The following TOP2A variants were observed in gnomAD, a reference collection of about 807,000 sequenced individuals.
TOP2A encodes DNA topoisomerase 2-alpha.
Under a neutral mutation model 187.2 loss-of-function variants are expected in TOP2A, and 68 were observed. The observed-to-expected ratio is 0.36, with a 90% confidence interval of 0.30 to 0.44. TOP2A has a LOEUF of 0.44. Ranked by LOEUF, TOP2A falls within the 20% of genes least tolerant of loss-of-function variation. TOP2A has a pLI of 1.00. For missense variants in TOP2A, 1,196 were observed against 1,808.7 expected (o/e 0.66, Z 6.14); for synonymous variants, 542 against 593.2 (o/e 0.91, Z 1.25).
Position 40,400,246 on chromosome 17 carries a change from A to G in TOP2A, c.2963T>C (p.Val988Ala). ...TGTGAGACTAGTTTGGAGTTTGAAG[A>G]CTTTGTGTAGTCCAACTCTCTCTGC... is the stretch of plus-strand genomic sequence containing the variant. ...AEAERVGLHK[V>A]FKLQTSLTCN... Residue 988 changes from valine (V) to alanine (A), a missense_variant, in exon 23 of 35, where the codon GTC becomes GCC. By Grantham distance (64) the Val-to-Ala change is moderately conservative. Coordinates refer to ENST00000423485, the MANE Select transcript of TOP2A (RefSeq NM_001067.4). 1 of 1,613,902 alleles carries G rather than the reference A, an allele frequency of 6.2e-7. No homozygotes were observed. Among genetic ancestry groups the G allele is most frequent in the Non-Finnish European group, 8.5e-7 (1 of 1,179,870 alleles).
intron 19 of TOP2A, 56 bp downstream of exon 19, chr17:40,404,096 G>C: frequency 6.3e-7 from 1 of 1,584,184 alleles, no homozygotes. Flanking sequence ...TTTTGAGAAT[G>C]ACTCTGCAGG....
intron 6 of TOP2A, 91 bp downstream of exon 6, chr17:40,413,104 A>G: frequency 7.7e-7 from 1 of 1,292,852 alleles, no homozygotes; most frequent in Non-Finnish European, 1.1e-6. Context: ...TAGCTTATAA[A>G]TTATGTTAAA....
chr17:40,389,095 C>A lies in TOP2A; in HGVS notation c.*424G>T. On this transcript the variant is annotated 3_prime_UTR_variant, in exon 35 of 35. Coordinates refer to ENST00000423485, the MANE Select transcript of TOP2A (RefSeq NM_001067.4). ...AATTATGTATAAAACTAAGATAAAACAGATAATTATGCTCTATCTCATATC... is the reference window on the plus strand; with the variant it reads ...AATTATGTATAAAACTAAGATAAAAAAGATAATTATGCTCTATCTCATATC... 4.5e-6 allele frequency: 1 copy of A among 223,526 alleles called. No homozygotes were observed. Among genetic ancestry groups the A allele is most frequent in the Non-Finnish European group, 9.0e-6 (1 of 111,170 alleles). 13.8% of individuals were successfully genotyped at this position (223,526 alleles called of 1,614,324 possible). A position where few individuals can be genotyped will look rare whatever the true frequency, so the allele number is the denominator to read the frequency against.
intron 27 of TOP2A, among the ~76,000 whole-genome samples, chr17:40,396,789 C>T (rs1012847087): frequency 2.0e-5 from 3 of 152,006 alleles, no homozygotes; most frequent in Non-Finnish European, 2.9e-5. Context: ...GGAAGTGATG[C>T]ACACTTATCC....
At chr17:40,404,339 A>G (rs1567786480) in intron 18 of TOP2A, 38 bp downstream of exon 18, 9 of 1,607,352 alleles carry the variant, frequency 5.6e-6, no homozygotes, top group Non-Finnish European at 5.1e-6. Flanking sequence ...TTTGATTTCC[A>G]TCTTACAATG....
rs766736097 is a variant in TOP2A at position 40,408,517 on chromosome 17, G to A, written c.1317C>T (p.Pro439=). ...AVKHNRIKGI[P]KLDDANDAGG... ...CTGCATCATTGGCATCATCGAGTTT[G>A]GGAATTCCCTTGATTCTATTATGTT... The change falls in exon 11 of 35, where the codon CCC becomes CCT. Residue 439 remains proline (P), a synonymous_variant. Transcript: ENST00000423485. 1.2e-6 allele frequency: 2 copies of A among 1,613,298 alleles called. No homozygotes were observed. The highest frequency in any genetic ancestry group is 3.3e-5 in the Admixed American group (2 of 59,942).
intron 29 of TOP2A, among the ~76,000 whole-genome samples, chr17:40,394,251 T>C (rs2035062583): frequency 1.3e-5 from 2 of 152,104 alleles, no homozygotes; most frequent in East Asian, 1.9e-4. Flanking sequence ...AAATGGCAAA[T>C]GATTGTTAAT....
rs1169473117 is a variant in TOP2A at position 40,389,642 on chromosome 17, G to A, written c.4473C>T (p.Ser1491=). The A allele has an allele frequency of 6.2e-7, 1 of 1,607,994 alleles. No individual in the cohort carries two copies. The highest frequency in any genetic ancestry group is 1.3e-5 in the African/African-American group (1 of 74,708). ...TATGGAAGTCATCACTCTCCCCCTT[G>A]GATTTCTAAAAGAGAAAAGCCCAGG... ...IVSKAVTSKK[S]KGESDDFHMD... Residue 1491 remains serine (S), a synonymous_variant, in exon 35 of 35, where the codon TCC becomes TCT. Transcript: ENST00000423485.
Position 40,400,188 on chromosome 17 carries a change from T to C in TOP2A, c.3000+21A>G, listed in dbSNP as rs566145907. 157 of 1,611,318 alleles carry C rather than the reference T, an allele frequency of 9.7e-5. No individual in the cohort carries two copies. The South Asian group carries it at 1.7e-3, about 17-fold the overall frequency. ...TTTAATATAAATTGAAACGTGTACA[T>C]CTCACAAAACAAATACATACCATAG... On this transcript the variant is annotated intron_variant, in intron 23 of 34. Coordinates refer to ENST00000423485, the MANE Select transcript of TOP2A (RefSeq NM_001067.4).
At chr17:40,409,109 G>A (rs1472484855) in intron 10 of TOP2A, 12 of 322,990 alleles carry the variant, frequency 3.7e-5, no homozygotes, top group African/African-American at 2.5e-4. Flanking sequence ...CAGGAGAATC[G>A]CTTGAACCCA....
intron 3 of TOP2A, 114 bp downstream of exon 3, chr17:40,416,308 G>A (rs1260185113): frequency 1.2e-6 from 1 of 807,148 alleles, no homozygotes; most frequent in South Asian, 1.9e-5. Flanking sequence ...GCTACAGCAG[G>A]TTTGGTAGAA....
chr17:40,400,594 C>T lies in TOP2A; in HGVS notation c.2734G>A (p.Glu912Lys), dbSNP rs779140412. 4 of 1,611,148 alleles carry T rather than the reference C, an allele frequency of 2.5e-6. No individual in the cohort carries two copies. Among genetic ancestry groups the T allele is most frequent in the Non-Finnish European group, 2.5e-6 (3 of 1,178,750 alleles). The change falls in exon 22 of 35, where the codon GAA becomes AAA. Residue 912 changes from glutamate to lysine, a missense_variant. Coordinates refer to ENST00000423485, the MANE Select transcript of TOP2A (RefSeq NM_001067.4). ...LAPNQYVISG[E>K]VAILNSTTIE... ...GTTGTAGAATTAAGAATAGCTACTT[C>T]ACCACTAATCACATATTGATTTGGA...
In TOP2A at chr17:40,395,527, C is replaced by T. The variant is rs2143632909; in HGVS notation, c.3733G>A (p.Glu1245Lys). The change falls in exon 29 of 35, where the codon GAA becomes AAA. Residue 1245 changes from glutamate to lysine, a missense_variant. By Grantham distance (56) the Glu-to-Lys change is moderately conservative. Transcript: ENST00000423485. ...NKKKIKNENT[E>K]GSPQEDGVEL... ...ACACCATCTTCTTGAGGGCTTCCTT[C>T]AGTATTTTCATTCTAAAAGATAGCA... 1 of 1,607,996 alleles carries T rather than the reference C, an allele frequency of 6.2e-7. No individual in the cohort carries two copies. Among genetic ancestry groups the T allele is most frequent in the Middle Eastern group, 1.7e-4 (1 of 6,050 alleles).
Position 40,396,273 on chromosome 17 carries a change from A to T in TOP2A, c.3720+10T>A, listed in dbSNP as rs372218697. The T allele has an allele frequency of 4.1e-6, 6 of 1,468,548 alleles. No homozygotes were observed. The Admixed American group carries it at 1.1e-4, about 28-fold the overall frequency. The allele number at this position is 1,468,548 out of a possible 1,614,324, so 91.0% of individuals were successfully genotyped here. ...GGGATTATAGGTGTGAGCCACCACA[A>T]GAGTATTACCTTAATTTTCTTTTTA... is the stretch of plus-strand genomic sequence containing the variant. On this transcript the variant is annotated intron_variant, in intron 28 of 34. Transcript: ENST00000423485.
intron 16 of TOP2A, among the ~76,000 whole-genome samples, chr17:40,405,866 A>G (rs1411424115): frequency 6.6e-6 from 1 of 151,860 alleles, no homozygotes; most frequent in East Asian, 1.9e-4. Flanking sequence ...TCTCGGGTTC[A>G]AGCGATTCTC....
At position 40,411,623 on chromosome 17, in the gene TOP2A, A is replaced by C. The variant is rs754099452; in HGVS notation, c.963+22T>G. On this transcript the variant is annotated intron_variant, in intron 8 of 34. Coordinates refer to ENST00000423485, the MANE Select transcript of TOP2A (RefSeq NM_001067.4). The surrounding 1 kb of genome is among the most constrained non-coding windows in gnomAD (Gnocchi z 4.4). ...ATATATGTAAAGATAAATCATGATT[A>C]ATAATTTAAGAATAAAATTACCTTG... 1.0e-5 allele frequency: 16 copies of C among 1,597,098 alleles called. No homozygotes were observed. The East Asian group carries it at 3.4e-4, about 34-fold the overall frequency.
At chr17:40,394,881 G>A (rs994040597) in intron 29 of TOP2A, among the ~76,000 whole-genome samples, 1 of 152,172 alleles carries the variant, frequency 6.6e-6, no homozygotes, top group African/African-American at 2.4e-5. Context: ...GCTAGAAAAT[G>A]AAATCTAATA....
At chr17:40,404,933 G>A (rs778486150) in intron 16 of TOP2A, 50 bp from the exon 17 acceptor site, 2 of 1,070,458 alleles carry the variant, frequency 1.9e-6, no homozygotes, top group Non-Finnish European at 2.7e-6. Flanking sequence ...AGGCTAATAG[G>A]TTCCAAAATA....
At chr17:40,392,406 C>G (rs2035036403) in intron 30 of TOP2A, 65 bp from the exon 31 acceptor site, 1 of 1,514,860 alleles carries the variant, frequency 6.6e-7, no homozygotes, top group African/African-American at 1.4e-5. Context: ...CATAGGTTGA[C>G]ATAACATTTC....
Sources: allele counts gnomAD v4.1 joint callset (sites outside exome capture counted in the v4.1 genomes callset), GRCh38; gene constraint gnomAD v4.1.1; non-coding constraint Gnocchi (gnomAD v3.1); transcripts MANE v1.5; gene names NCBI Gene and HGNC (gene_info 2026-07-23, HGNC 2026-07-21).